NRG4: variants seen among roughly 807,000 people sequenced by gnomAD.
NRG4 encodes neuregulin 4.
In NRG4, 10 loss-of-function variants were observed where a neutral mutation model predicts 15.0. The observed-to-expected ratio is 0.67, with a 90% CI of 0.41 to 1.13. The LOEUF (loss-of-function observed/expected upper bound fraction) is 1.13. Ranked by LOEUF, NRG4 falls within the 50% of genes most tolerant of loss-of-function variation. The pLI is 0.00. For synonymous variants in NRG4, 41 were observed against 50.1 expected (o/e 0.82, Z 0.77); for missense variants, 139 against 140.2 (o/e 0.99, Z 0.04).
chr15:76,018,079 C>T (rs927731540), intron 5 of NRG4, among the ~76,000 whole-genome samples: 2 of 152,016 alleles, frequency 1.3e-5, no homozygotes, highest in Non-Finnish European at 2.9e-5. Context: ...TTAAGTTGAT[C>T]TTCAATCTCT....
chr15:75,970,124 T>A (rs959778895), intron 3 of NRG4, among the ~76,000 whole-genome samples: 1 of 152,232 alleles, frequency 6.6e-6, no homozygotes, highest in Non-Finnish European at 1.5e-5. Flanking sequence ...CCATTTGATC[T>A]TAAGAAAGCC....
At position 75,956,018 on chromosome 15, in the gene NRG4, A is replaced by G. The variant is rs376398231; in HGVS notation, c.252-7T>C. 1 of 1,567,176 alleles carries G rather than the reference A, an allele frequency of 6.4e-7. No individual in the cohort carries two copies. Among genetic ancestry groups the G allele is most frequent in the African/African-American group, 1.3e-5 (1 of 74,074 alleles). On this transcript the variant is annotated splice_region_variant and splice_polypyrimidine_tract_variant and intron_variant, in intron 4 of 5. Coordinates refer to ENST00000394907, the MANE Select transcript of NRG4 (RefSeq NM_138573.4). ...TCTCTGAAAGTGGCCTTTCCTGACA[A>G]TAAAGAGGAGAGAAACACAAAAATG...
intron 3 of NRG4, among the ~76,000 whole-genome samples, chr15:75,993,150 A>T (rs1362109617): frequency 6.6e-6 from 1 of 151,852 alleles, no homozygotes; most frequent in Non-Finnish European, 1.5e-5. Context: ...ACTGCTTTCA[A>T]GATTTTCTCT....
intron 5 of NRG4, among the ~76,000 whole-genome samples, chr15:75,954,554 C>T (rs1443627650): frequency 1.3e-5 from 2 of 151,350 alleles, no homozygotes; most frequent in South Asian, 2.1e-4. Flanking sequence ...CTCAGCCTCC[C>T]GAGTAGCTGG....
At chr15:75,936,162 G>A (rs2030320650), downstream of NRG4, 1 of 152,142 alleles carries the variant, frequency 6.6e-6, no homozygotes, top group African/African-American at 2.4e-5. Context: ...TTTATACCCA[G>A]TCTGGCCCAG....
chr15:76,050,651 G>A (rs1425969267), intron 4 of NRG4, among the ~76,000 whole-genome samples: 6 of 117,588 alleles, frequency 5.1e-5, no homozygotes, highest in African/African-American at 6.9e-5. Context: ...TCACCATGTT[G>A]GCCAGGCTGG....
At chr15:75,978,093 AG>A (rs1269884329) in intron 3 of NRG4, among the ~76,000 whole-genome samples, 1 of 152,194 alleles carries the variant, frequency 6.6e-6, no homozygotes, top group East Asian at 1.9e-4. Context: ...CTGGGATTAC[AG>A]GCATGAGCTA....
intron 5 of NRG4, among the ~76,000 whole-genome samples, chr15:76,020,893 C>T (rs1220203872): frequency 2.0e-5 from 3 of 152,128 alleles, no homozygotes; most frequent in Non-Finnish European, 4.4e-5. Flanking sequence ...AAGCAACAAG[C>T]GCTAATGTAG....
chr15:75,945,128 T>C (rs1163198910), intron 5 of NRG4, among the ~76,000 whole-genome samples: 1 of 152,170 alleles, frequency 6.6e-6, no homozygotes, highest in Non-Finnish European at 1.5e-5. Context: ...TACTTGTGCA[T>C]TCAAGATCTA....
rs199633526 is a variant in NRG4 at position 76,011,033 on chromosome 15, C to T, written c.10+188G>A. Reference sequence around the variant, plus strand: ...AACACATATATCTAAAATAAAATAGCTTTATGTCACAAAGGAAGGTCTCTC... The same window carrying T: ...AACACATATATCTAAAATAAAATAGTTTTATGTCACAAAGGAAGGTCTCTC... On this transcript the variant is annotated intron_variant, in intron 2 of 5. Transcript: ENST00000394907. 5.6e-4 allele frequency among the ~76,000 whole-genome samples: 85 copies of T among 152,056 alleles called. 1 individual carries two copies. The East Asian group carries it at 9.6e-3, about 17-fold the overall frequency.
chr15:76,043,715 A>C (rs1408948205), intron 4 of NRG4, among the ~76,000 whole-genome samples: 1 of 152,234 alleles, frequency 6.6e-6, no homozygotes, highest in African/African-American at 2.4e-5. Flanking sequence ...ACACTACCCA[A>C]AGCAATCTAC....
upstream of NRG4, among the ~76,000 whole-genome samples, chr15:76,017,327 T>C (rs1479219644): frequency 6.6e-6 from 1 of 152,148 alleles, no homozygotes; most frequent in African/African-American, 2.4e-5. Flanking sequence ...TTGGGGCATT[T>C]AGCCTGTTTA....
At chr15:75,988,853 C>CT (rs71444946) in intron 3 of NRG4, among the ~76,000 whole-genome samples, 22,620 of 109,672 alleles carry the variant, frequency 0.21, 3,196 homozygotes, top group Non-Finnish European at 0.28. Context: ...CTGCACCTTC[C>CT]TTTTTTTTTT....
At chr15:76,037,466 G>A (rs948680892) in intron 4 of NRG4, among the ~76,000 whole-genome samples, 1 of 152,156 alleles carries the variant, frequency 6.6e-6, no homozygotes. Context: ...AAACTGGGCT[G>A]AACTTAGCTG....
chr15:76,003,703 A>G (rs1380865814), intron 3 of NRG4, among the ~76,000 whole-genome samples: 2 of 152,336 alleles, frequency 1.3e-5, no homozygotes, highest in African/African-American at 4.8e-5. Context: ...GACTCCTCAC[A>G]GAGAAGGGAT....
At chr15:75,971,263 AG>A (rs1278490008) in intron 3 of NRG4, 1 of 455,922 alleles carries the variant, frequency 2.2e-6, no homozygotes, top group Non-Finnish European at 4.4e-6. Flanking sequence ...AAAAACAATA[AG>A]GGTTTTGGTT....
At chr15:76,016,464 GA>G (rs1272884700), upstream of NRG4, among the ~76,000 whole-genome samples, 79 of 152,250 alleles carry the variant, frequency 5.2e-4, no homozygotes, top group African/African-American at 1.9e-3. Flanking sequence ...GCTTTCTCTT[GA>G]GGGCATTTAG....
chr15:75,993,294 T>G (rs570992459), intron 3 of NRG4, among the ~76,000 whole-genome samples: 2 of 151,146 alleles, frequency 1.3e-5, no homozygotes, highest in East Asian at 1.9e-4. Flanking sequence ...AATATTGTTT[T>G]TTTTTTTTTC....
chr15:75,953,445 A>C (rs1208467312), intron 5 of NRG4, among the ~76,000 whole-genome samples: 1 of 152,220 alleles, frequency 6.6e-6, no homozygotes, highest in Non-Finnish European at 1.5e-5. Context: ...AGAAATTAGG[A>C]AGTGTGAGTC....
Sources: gnomAD v4.1 joint callset for allele counts (sites outside exome capture counted in the v4.1 genomes callset) on GRCh38, gnomAD v4.1.1 for gene constraint, MANE v1.5 for transcripts, NCBI Gene and HGNC (gene_info 2026-07-23, HGNC 2026-07-21) for gene names.